NGEF: variants seen among roughly 807,000 people sequenced by gnomAD.
NGEF encodes neuronal guanine nucleotide exchange factor, also known as ephexin-1.
Under a neutral mutation model 80.9 loss-of-function variants are expected in NGEF, and 31 were observed. The observed-to-expected ratio is 0.38, with a 90% CI of 0.29 to 0.52. NGEF has a LOEUF of 0.52. Among genes scored for constraint, NGEF ranks in the 20% least tolerant of loss-of-function variants. The probability of loss-of-function intolerance (pLI) is 0.84; values close to 1 mark genes in which losing one functional copy is unlikely to be tolerated. For missense variants in NGEF, 709 were observed against 926.2 expected (o/e 0.77, Z 3.04); for synonymous variants, 371 against 370.2 (o/e 1.00, Z -0.03).
chr2:232,957,971 TA>T (rs1693864426), intron 3 of NGEF, among the ~76,000 whole-genome samples: 1 of 152,232 alleles, frequency 6.6e-6, no homozygotes, highest in Admixed American at 6.5e-5. Context: ...GTCACAGTTA[TA>T]TTTGTTCTGA....
chr2:233,005,111 C>T (rs548785246), intron 1 of NGEF, among the ~76,000 whole-genome samples: 6 of 152,300 alleles, frequency 3.9e-5, no homozygotes, highest in Admixed American at 1.3e-4. Flanking sequence ...TCGTTGTCCT[C>T]GATGGATTCT....
At chr2:232,953,463 T>TAA (rs779074700) in intron 3 of NGEF, among the ~76,000 whole-genome samples, 73 of 131,852 alleles carry the variant, frequency 5.5e-4, no homozygotes, top group Non-Finnish European at 1.0e-3. Flanking sequence ...GCTCAAAAAA[T>TAA]AAAAAAAAAA....
chr2:232,993,154 AAT>A lies in NGEF; in HGVS notation c.-74-18192_-74-18191del, dbSNP rs199973619. On this transcript the variant is annotated intron_variant, in intron 1 of 14. Coordinates refer to ENST00000264051, the MANE Select transcript of NGEF (RefSeq NM_019850.3). The stretch of plus-strand genomic sequence containing the variant: ...ATATTTATTTATATATATATGGGCA[AAT>A]ATATATATATTATATATATAAATAA... Among the ~76,000 whole-genome samples, 307 of 59,522 alleles carry A rather than the reference AAT, an allele frequency of 5.2e-3. 23 individuals carry two copies. Among genetic ancestry groups the A allele is most frequent in the East Asian group, 0.039 (81 of 2,094 alleles). The allele number at this position is 59,522 out of a possible 152,430, so 39.0% of individuals were successfully genotyped here.
intron 4 of NGEF, among the ~76,000 whole-genome samples, chr2:232,923,907 G>C (rs779275373): frequency 1.8e-4 from 28 of 152,206 alleles, no homozygotes; most frequent in Non-Finnish European, 3.2e-4. Flanking sequence ...TGAGGGCACT[G>C]CCTCCGTGAG....
intron 8 of NGEF, 135 bp from the exon 9 acceptor site, chr2:232,888,242 G>T: frequency 3.2e-6 from 2 of 622,864 alleles, no homozygotes; most frequent in Non-Finnish European, 2.9e-6. Context: ...ACACACGCAC[G>T]CACGCACACG....
intron 3 of NGEF, among the ~76,000 whole-genome samples, chr2:232,949,719 T>A (rs942404633): frequency 6.9e-6 from 1 of 145,936 alleles, no homozygotes; most frequent in Non-Finnish European, 1.5e-5. Flanking sequence ...CCTCAGGTGA[T>A]CTGCCTGCCT....
chr2:232,959,640 C>A (rs886894221), intron 3 of NGEF, among the ~76,000 whole-genome samples: 4 of 148,998 alleles, frequency 2.7e-5, no homozygotes, highest in African/African-American at 9.9e-5. Flanking sequence ...AGTGCAATGG[C>A]GCAATCTTGG....
At chr2:232,952,786 G>A (rs1012379337) in intron 3 of NGEF, among the ~76,000 whole-genome samples, 5 of 150,670 alleles carry the variant, frequency 3.3e-5, no homozygotes, top group African/African-American at 1.2e-4. Flanking sequence ...TGGCCAATAT[G>A]GTGAGACCCC....
intron 8 of NGEF, among the ~76,000 whole-genome samples, chr2:232,889,720 G>A (rs987679162): frequency 2.0e-5 from 3 of 152,100 alleles, no homozygotes; most frequent in African/African-American, 7.2e-5. Flanking sequence ...CCTCACGTTC[G>A]TATCTCCATT....
chr2:232,982,663 G>A (rs1280893819), intron 1 of NGEF, among the ~76,000 whole-genome samples: 4 of 152,148 alleles, frequency 2.6e-5, no homozygotes, highest in South Asian at 2.1e-4. Flanking sequence ...ATAGGTGCCC[G>A]CTACCACATC....
At chr2:232,960,311 T>C (rs1471552253) in intron 3 of NGEF, among the ~76,000 whole-genome samples, 3 of 152,262 alleles carry the variant, frequency 2.0e-5, no homozygotes, top group Non-Finnish European at 4.4e-5. Context: ...CCCTGATTCA[T>C]GACCTTGTGC....
intron 1 of NGEF, among the ~76,000 whole-genome samples, chr2:232,976,472 G>T (rs1017515165): frequency 6.6e-6 from 1 of 152,114 alleles, no homozygotes; most frequent in Non-Finnish European, 1.5e-5. Flanking sequence ...CAGGAGGTTG[G>T]GTTTCCCCTA....
chr2:232,886,514 AG>A, intron 9 of NGEF, among the ~76,000 whole-genome samples: 1 of 152,350 alleles, frequency 6.6e-6, no homozygotes, highest in South Asian at 2.1e-4. Context: ...AGGGAGGGCG[AG>A]GTGGCTAGTG....
intron 9 of NGEF, among the ~76,000 whole-genome samples, chr2:232,887,059 T>C (rs1254591317): frequency 6.6e-6 from 1 of 152,216 alleles, no homozygotes; most frequent in African/African-American, 2.4e-5. Flanking sequence ...GAAGTCCTCA[T>C]GTCTCAATGT....
intron 1 of NGEF, among the ~76,000 whole-genome samples, chr2:232,983,343 A>G (rs1694476031): frequency 1.3e-5 from 2 of 151,990 alleles, no homozygotes; most frequent in African/African-American, 2.4e-5. Flanking sequence ...AGGGTCCCCG[A>G]GCGGTGAGGG....
rs896759338 is a variant in NGEF, at chr2:233,006,351, C to T, written c.-75+6717G>A. Among the ~76,000 whole-genome samples, 4 of 152,154 alleles carry T rather than the reference C, an allele frequency of 2.6e-5. No homozygotes were observed. The East Asian group carries it at 7.7e-4, about 29-fold the overall frequency. ...ATATTATTCACTGGAGGGAAGTCAT[C>T]ATTGGGTCTAATGTGCAGGTGCCTC... On this transcript the variant is annotated intron_variant, in intron 1 of 14. Transcript: ENST00000264051.
At chr2:232,965,070 G>T (rs1694029223) in intron 3 of NGEF, among the ~76,000 whole-genome samples, 8 of 152,198 alleles carry the variant, frequency 5.3e-5, no homozygotes, top group Admixed American at 5.2e-4. Context: ...TCACCTTTAT[G>T]AATATGCTAA....
intron 3 of NGEF, among the ~76,000 whole-genome samples, chr2:232,962,486 T>C (rs1574639690): frequency 6.6e-6 from 1 of 151,770 alleles, no homozygotes; most frequent in African/African-American, 2.4e-5. Flanking sequence ...GAGATGGAGG[T>C]TGAAGGGGGC....
rs181710983 is a variant in NGEF at position 232,914,843 on chromosome 2, C to T, written c.828+5441G>A. 3.8e-3 allele frequency among the ~76,000 whole-genome samples: 577 copies of T among 152,064 alleles called. 6 individuals carry two copies. Among genetic ancestry groups the T allele is most frequent in the Non-Finnish European group, 4.9e-3 (334 of 67,978 alleles). On this transcript the variant is annotated intron_variant, in intron 5 of 14. Transcript: ENST00000264051. ...ACCAGCCTGACCAACATGGTGAAAC[C>T]CTGTCTCTACTAAAAATACAAAAAT... is the stretch of plus-strand genomic sequence containing the variant.
Sources: gnomAD v4.1 joint callset for allele counts (sites outside exome capture counted in the v4.1 genomes callset) on GRCh38, gnomAD v4.1.1 for gene constraint, MANE v1.5 for transcripts, NCBI Gene and HGNC (gene_info 2026-07-23, HGNC 2026-07-21) for gene names.